The following HSD17B8 variants were observed in gnomAD, a reference collection of about 807,000 sequenced individuals.
HSD17B8 encodes the protein hydroxysteroid 17-beta dehydrogenase 8.
HSD17B8 carries 23 observed loss-of-function variants against 33.2 expected under a neutral mutation model. The ratio of observed to expected loss-of-function variants is 0.69; its 90% confidence interval spans 0.50 to 0.98. The LOEUF (loss-of-function observed/expected upper bound fraction) is 0.98. Ranked by LOEUF, HSD17B8 falls within the 50% of genes least tolerant of loss-of-function variation. The pLI is 0.00. For missense variants in HSD17B8, 345 were observed against 347.5 expected, an observed-to-expected ratio of 0.99 and a Z score of 0.06; for synonymous variants, 137 against 138.6, an observed-to-expected ratio of 0.99 and a Z score of 0.08.
chr6:33,205,710 C>T lies in HSD17B8; in HGVS notation c.551C>T (p.Ala184Val). Residue 184 changes from alanine to valine, a missense_variant, in exon 5 of 9, where the codon GCC becomes GTC. Transcript: ENST00000374662. The surrounding 1 kb of genome is among the most constrained non-coding windows in gnomAD (Gnocchi z 5.0). ...AGVIGLTQTA[A>V]RELGRHGIRC... ...GTGATTGGGCTGACCCAGACCGCAG[C>T]CCGGGAGCTTGGACGGTTGGTCAGA... The T allele has an allele frequency of 6.2e-7, 1 of 1,613,038 alleles. No individual in the cohort carries two copies. The highest frequency in any genetic ancestry group is 8.5e-7 in the Non-Finnish European group (1 of 1,180,022).
In HSD17B8 at chr6:33,205,789, A is replaced by C. The variant is rs1287016031; in HGVS notation, c.567-39A>C. 6.2e-7 allele frequency: 1 copy of C among 1,609,428 alleles called. No individual in the cohort carries two copies. The highest frequency in any genetic ancestry group is 8.5e-7 in the Non-Finnish European group (1 of 1,176,834). Reference sequence around the variant, plus strand: ...GGGTCTGAGGGAGGTACCAGCATTCAGCCCTCTCCAGAATCGGCAGCCACT... The same window carrying C: ...GGGTCTGAGGGAGGTACCAGCATTCCGCCCTCTCCAGAATCGGCAGCCACT... On this transcript the variant is annotated intron_variant, in intron 5 of 8. Transcript: ENST00000374662. This position sits in a 1 kb window ranked among gnomAD's most constrained non-coding sequence, Gnocchi z 5.0.
chr6:33,204,715 T>A lies in HSD17B8; in HGVS notation c.47T>A (p.Val16Asp), dbSNP rs912179628. ...CGACTCCGCTCCGCACTGGCCTTGG[T>A]CACAGGTTGAGGGGGTTCTTTCCCC... ...QNRLRSALAL[V>D]TGAGSGIGRA... The change falls in exon 1 of 9, where the codon GTC (valine) becomes GAC (aspartate). Residue 16 changes from valine (V) to aspartate (D), a missense_variant. By Grantham distance (152) the Val-to-Asp change is radical (BLOSUM62 -3). Coordinates refer to ENST00000374662, the MANE Select transcript of HSD17B8 (RefSeq NM_014234.5). 1.1e-5 allele frequency: 18 copies of A among 1,612,882 alleles called. No homozygotes were observed. The highest frequency in any genetic ancestry group is 1.5e-5 in the Non-Finnish European group (18 of 1,180,008).
rs571007649 is a variant in HSD17B8, at chr6:33,205,663, CTA to C, written c.506_507del (p.Tyr169CysfsTer26). On this transcript the variant is annotated frameshift_variant, in exon 5 of 9. Transcript: ENST00000374662. LOFTEE classifies it high-confidence loss of function. The surrounding 1 kb of genome is among the most constrained non-coding windows in gnomAD (Gnocchi z 5.0). Reference sequence around the variant, plus strand: ...AGGTGGGGAACGTGGGGCAGACAAACTATGCAGCATCCAAGGCTGGAGTGATT... The same window carrying C: ...AGGTGGGGAACGTGGGGCAGACAAACTGCAGCATCCAAGGCTGGAGTGATT... ...GKVGNVGQTN[Y>X]AASKAGVIGL... The C allele has an allele frequency of 1.6e-3, 2,612 of 1,613,084 alleles. 7 individuals carry two copies. Among genetic ancestry groups the C allele is most frequent in the Non-Finnish European group, 2.0e-3 (2,385 of 1,180,030 alleles).
Position 33,206,628 on chromosome 6 carries a change from C to T in HSD17B8, c.770-10C>T. On this transcript the variant is annotated splice_polypyrimidine_tract_variant and intron_variant, in intron 8 of 8. Transcript: ENST00000374662. This position sits in a 1 kb window ranked among gnomAD's most constrained non-coding sequence, Gnocchi z 6.2. ...CCATGCATCTGTCCAAATGTTTCTGCCCCTCCCAGGAGGTCTTTTCATGTA... is the reference window on the plus strand; with the variant it reads ...CCATGCATCTGTCCAAATGTTTCTGTCCCTCCCAGGAGGTCTTTTCATGTA... The T allele has an allele frequency of 1.2e-6, 2 of 1,613,802 alleles. No individual in the cohort carries two copies. The highest frequency in any genetic ancestry group is 1.7e-6 in the Non-Finnish European group (2 of 1,179,742).
At position 33,205,623 on chromosome 6, in the gene HSD17B8, C is replaced by A. The variant is rs991159564; in HGVS notation, c.481-17C>A. 40 of 1,612,716 alleles carry A rather than the reference C, an allele frequency of 2.5e-5. No individual in the cohort carries two copies. Among genetic ancestry groups the A allele is most frequent in the Non-Finnish European group, 3.0e-5 (35 of 1,179,694 alleles). Reference sequence around the variant, plus strand: ...TTGAGACTCCTGACTCATTCCACATCTCTGACTCACCTATAGGTGGGGAAC... The same window carrying A: ...TTGAGACTCCTGACTCATTCCACATATCTGACTCACCTATAGGTGGGGAAC... On this transcript the variant is annotated splice_polypyrimidine_tract_variant and intron_variant, in intron 4 of 8. Coordinates refer to ENST00000374662, the MANE Select transcript of HSD17B8 (RefSeq NM_014234.5). This position sits in a 1 kb window ranked among gnomAD's most constrained non-coding sequence, Gnocchi z 5.0.
At position 33,206,405 on chromosome 6, in the gene HSD17B8, C is replaced by G. The variant is rs1328161222; in HGVS notation, c.725C>G (p.Ser242Cys). Residue 242 changes from serine (S) to cysteine (C), a missense_variant, in exon 8 of 9, where the codon TCT becomes TGT. Physicochemically the swap from Ser to Cys is moderately radical, Grantham distance 112 (BLOSUM62 -1). Coordinates refer to ENST00000374662, the MANE Select transcript of HSD17B8 (RefSeq NM_014234.5). This position sits in a 1 kb window ranked among gnomAD's most constrained non-coding sequence, Gnocchi z 6.2. ...DVADVVAFLA[S>C]EDSGYITGTS... ...GCAGATGTGGTCGCATTCTTGGCAT[C>G]TGAAGATAGTGGATACATCACAGGG... 6.2e-7 allele frequency: 1 copy of G among 1,613,890 alleles called. No individual in the cohort carries two copies.
Position 33,206,181 on chromosome 6 carries a change from G to A in HSD17B8, c.694+5G>A, listed in dbSNP as rs566659575. 1 of 1,612,756 alleles carries A rather than the reference G, an allele frequency of 6.2e-7. No individual in the cohort carries two copies. Among genetic ancestry groups the A allele is most frequent in the Non-Finnish European group, 8.5e-7 (1 of 1,179,762 alleles). On this transcript the variant is annotated splice_donor_5th_base_variant and intron_variant, in intron 7 of 8. Transcript: ENST00000374662. This position sits in a 1 kb window ranked among gnomAD's most constrained non-coding sequence, Gnocchi z 6.2. ...GACACTTGGGGGACCCTGAGGGTGA[G>A]CACTGAATGTAGTGGGGTCCCTGGG...
Position 33,206,283 on chromosome 6 carries a change from T to G in HSD17B8, c.695-92T>G. On this transcript the variant is annotated intron_variant, in intron 7 of 8. Coordinates refer to ENST00000374662, the MANE Select transcript of HSD17B8 (RefSeq NM_014234.5). This position sits in a 1 kb window ranked among gnomAD's most constrained non-coding sequence, Gnocchi z 6.2. ...TGGTGGTTGGTGTCTGTGGAGAGGT[T>G]TGTGGGGAGGGATGTCTTTGGTGGG... 6.5e-7 allele frequency: 1 copy of G among 1,548,766 alleles called. No homozygotes were observed. Among genetic ancestry groups the G allele is most frequent in the Non-Finnish European group, 8.9e-7 (1 of 1,122,362 alleles).
chr6:33,204,817 C>T, intron 1 of HSD17B8, 85 bp from the exon 2 acceptor site: 1 of 1,554,548 alleles, frequency 6.4e-7, no homozygotes, highest in Non-Finnish European at 8.7e-7. Context: ...TGGCCCCTTA[C>T]CCACATTTTA....
rs3066410 is a variant in HSD17B8 at position 33,205,971 on chromosome 6, CAGAGAG to C, written c.651+81_651+86del. On this transcript the variant is annotated intron_variant, in intron 6 of 8. Transcript: ENST00000374662. This position sits in a 1 kb window ranked among gnomAD's most constrained non-coding sequence, Gnocchi z 5.0. Reference sequence around the variant, plus strand: ...AGAGACTCAATCTCTCTGGGCTTCACAGAGAGAGAGAGAGAGAGAGAGAGAGAATAC... The same window carrying C: ...AGAGACTCAATCTCTCTGGGCTTCACAGAGAGAGAGAGAGAGAGAGAATAC... 6,111 of 1,093,618 alleles carry C rather than the reference CAGAGAG, an allele frequency of 5.6e-3. 1 individual carries two copies. The highest frequency in any genetic ancestry group is 0.017 in the South Asian group (1,245 of 74,476). The allele number at this position is 1,093,618 out of a possible 1,614,324, so 67.7% of individuals were successfully genotyped here.
At position 33,206,034 on chromosome 6, in the gene HSD17B8, C is replaced by A; in HGVS notation, c.652-100C>A. On this transcript the variant is annotated intron_variant, in intron 6 of 8. Coordinates refer to ENST00000374662, the MANE Select transcript of HSD17B8 (RefSeq NM_014234.5). This position sits in a 1 kb window ranked among gnomAD's most constrained non-coding sequence, Gnocchi z 6.2. The stretch of plus-strand genomic sequence containing the variant: ...CAGTTCCTGGCAAACATTAAATATT[C>A]AATGAATGTATGAGAAATGAAGACA... 2.1e-6 allele frequency: 3 copies of A among 1,438,982 alleles called. No individual in the cohort carries two copies. The highest frequency in any genetic ancestry group is 2.9e-6 in the Non-Finnish European group (3 of 1,029,668). 89.1% of individuals were successfully genotyped at this position (1,438,982 alleles called of 1,614,324 possible). A position where few individuals can be genotyped will look rare whatever the true frequency, so the allele number is the denominator to read the frequency against.
Position 33,205,098 on chromosome 6 carries a change from G to C in HSD17B8, c.249G>C (p.Arg83Ser). 1 of 1,566,144 alleles carries C rather than the reference G, an allele frequency of 6.4e-7. No homozygotes were observed. The highest frequency in any genetic ancestry group is 1.4e-5 in the African/African-American group (1 of 73,928). The change falls in exon 2 of 9, where the codon AGG (arginine) becomes AGC (serine). Residue 83 changes from arginine (R) to serine (S), a missense_variant. Transcript: ENST00000374662. The surrounding 1 kb of genome is among the most constrained non-coding windows in gnomAD (Gnocchi z 5.0). ...ACGTGTCTGAGGCCAGGGCCGCCAG[G>C]TGCCTGCTGGAACAAGTGCAGGTGA... is the stretch of plus-strand genomic sequence containing the variant. ...QADVSEARAA[R>S]CLLEQVQACF...
rs774045796 is a variant in HSD17B8 at position 33,205,532 on chromosome 6, T to C, written c.473T>C (p.Val158Ala). 13 of 1,612,916 alleles carry C rather than the reference T, an allele frequency of 8.1e-6. No individual in the cohort carries two copies. The highest frequency in any genetic ancestry group is 1.1e-5 in the Non-Finnish European group (13 of 1,180,004). ...RGSIINISSIVGKVGNVGQTN... is the reference protein window; with the variant it reads ...RGSIINISSIAGKVGNVGQTN... ...TCCATCATCAACATCAGTAGCATCG[T>C]AGGAAAGGTCAGGTTGAGTTGGACG... is the stretch of plus-strand genomic sequence containing the variant. The change falls in exon 4 of 9, where the codon GTA becomes GCA. Residue 158 changes from valine (V) to alanine (A), a missense_variant. Val to Ala is a moderately conservative substitution (Grantham distance 64). Transcript: ENST00000374662. This position sits in a 1 kb window ranked among gnomAD's most constrained non-coding sequence, Gnocchi z 5.0.
chr6:33,205,406 C>G lies in HSD17B8; in HGVS notation c.388-41C>G. On this transcript the variant is annotated intron_variant, in intron 3 of 8. Transcript: ENST00000374662. This position sits in a 1 kb window ranked among gnomAD's most constrained non-coding sequence, Gnocchi z 5.0. ...GGAGGGAGTTGGAGGAGGGCTGTCACCCCAGCTGATCTTTTCTCCCTTGTT... is the reference window on the plus strand; with the variant it reads ...GGAGGGAGTTGGAGGAGGGCTGTCAGCCCAGCTGATCTTTTCTCCCTTGTT... 1 of 1,607,838 alleles carries G rather than the reference C, an allele frequency of 6.2e-7. No individual in the cohort carries two copies. The highest frequency in any genetic ancestry group is 2.2e-5 in the East Asian group (1 of 44,842).
In HSD17B8 at chr6:33,205,396, A is replaced by G; in HGVS notation, c.388-51A>G. The G allele has an allele frequency of 1.2e-6, 2 of 1,605,514 alleles. No homozygotes were observed. The highest frequency in any genetic ancestry group is 1.7e-6 in the Non-Finnish European group (2 of 1,173,016). On this transcript the variant is annotated intron_variant, in intron 3 of 8. Coordinates refer to ENST00000374662, the MANE Select transcript of HSD17B8 (RefSeq NM_014234.5). This position sits in a 1 kb window ranked among gnomAD's most constrained non-coding sequence, Gnocchi z 5.0. ...CTTAGCCTGGGGAGGGAGTTGGAGG[A>G]GGGCTGTCACCCCAGCTGATCTTTT... is the stretch of plus-strand genomic sequence containing the variant.
In HSD17B8 at chr6:33,205,498, TGTC is replaced by T; in HGVS notation, c.442_444del (p.Arg148del). 6.2e-7 allele frequency: 1 copy of T among 1,613,150 alleles called. No homozygotes were observed. Among genetic ancestry groups the T allele is most frequent in the Non-Finnish European group, 8.5e-7 (1 of 1,180,042 alleles). ...AGCACAAGCCCTGGTGTCCAATGGT[TGTC>T]GTGGTTCCATCATCAACATCAGTAG... On this transcript the variant is annotated inframe_deletion, in exon 4 of 9. Coordinates refer to ENST00000374662, the MANE Select transcript of HSD17B8 (RefSeq NM_014234.5). This position sits in a 1 kb window ranked among gnomAD's most constrained non-coding sequence, Gnocchi z 5.0.
Position 33,204,860 on chromosome 6 carries a change from C to G in HSD17B8, c.53-42C>G, listed in dbSNP as rs1235019214. On this transcript the variant is annotated intron_variant, in intron 1 of 8. Transcript: ENST00000374662. ...CCCTGTGACCTCTGATCCCTGCCCT[C>G]TCCTCCCCGTGCCCGGTCCGGCGTG... The G allele has an allele frequency of 1.3e-5, 20 of 1,494,352 alleles. 1 individual carries two copies. The South Asian group carries it at 2.6e-4, about 20-fold the overall frequency. 92.6% of individuals were successfully genotyped at this position (1,494,352 alleles called of 1,614,324 possible).
Position 33,206,770 on chromosome 6 carries a change from G to A in HSD17B8, c.*116G>A. 1 of 1,094,720 alleles carries A rather than the reference G, an allele frequency of 9.1e-7. No individual in the cohort carries two copies. Among genetic ancestry groups the A allele is most frequent in the Non-Finnish European group, 1.4e-6 (1 of 713,118 alleles). 67.8% of individuals were successfully genotyped at this position (1,094,720 alleles called of 1,614,324 possible). A position where few individuals can be genotyped will look rare whatever the true frequency, so the allele number is the denominator to read the frequency against. ...GGGTGGCAGTGTATGGTTCAGGAAT[G>A]CTGAATATGGGAAGCAGGGGTGCTT... On this transcript the variant is annotated 3_prime_UTR_variant, in exon 9 of 9. Coordinates refer to ENST00000374662, the MANE Select transcript of HSD17B8 (RefSeq NM_014234.5). This position sits in a 1 kb window ranked among gnomAD's most constrained non-coding sequence, Gnocchi z 6.2.
rs200247614 is a variant in HSD17B8, at chr6:33,206,682, A to AC, written c.*35dup. 1.8e-3 allele frequency: 2,969 copies of AC among 1,610,354 alleles called. 14 individuals carry two copies. Among genetic ancestry groups the AC allele is most frequent in the African/African-American group, 0.011 (819 of 74,448 alleles). On this transcript the variant is annotated 3_prime_UTR_variant, in exon 9 of 9. Transcript: ENST00000374662. This position sits in a 1 kb window ranked among gnomAD's most constrained non-coding sequence, Gnocchi z 6.2. ...GCCTCAAGGACCCTGGACTCTGCTC[A>AC]CCCCCCCACCACTCTGCCTGGCCTC...
Sources: allele counts gnomAD v4.1 joint callset, GRCh38; gene constraint gnomAD v4.1.1; non-coding constraint Gnocchi (gnomAD v3.1); transcripts MANE v1.5; gene names NCBI Gene and HGNC (gene_info 2026-07-23, HGNC 2026-07-21).